Variants in ITGBL1 observed in about 807,000 individuals in gnomAD.
ITGBL1 encodes the protein integrin beta-like protein 1.
A neutral mutation model predicts 68.5 loss-of-function variants in ITGBL1; 51 were observed. The observed-to-expected ratio is 0.74, with a 90% CI of 0.59 to 0.94. ITGBL1 has a LOEUF of 0.94. Ranked by LOEUF, ITGBL1 falls within the 40% of genes least tolerant of loss-of-function variation. The probability of loss-of-function intolerance (pLI) is 0.00; values close to 1 mark genes in which losing one functional copy is unlikely to be tolerated. For synonymous variants in ITGBL1, 209 were observed against 227.3 expected (o/e 0.92, Z 0.72); for missense variants, 649 against 647.4 (o/e 1.00, Z -0.03).
At chr13:101,663,143 A>C (rs1051887781) in intron 7 of ITGBL1, among the ~76,000 whole-genome samples, 4 of 152,208 alleles carry the variant, frequency 2.6e-5, no homozygotes, top group African/African-American at 9.6e-5. Flanking sequence ...ATAGATGTTG[A>C]ATAAATGAGT....
intron 8 of ITGBL1, among the ~76,000 whole-genome samples, chr13:101,704,806 AC>A (rs1414299307): frequency 6.6e-6 from 1 of 152,198 alleles, no homozygotes; most frequent in Non-Finnish European, 1.5e-5. Flanking sequence ...CATGCATGCT[AC>A]TTTTAAACTT....
chr13:101,492,421 C>A (rs1255337482), intron 2 of ITGBL1, among the ~76,000 whole-genome samples: 1 of 152,160 alleles, frequency 6.6e-6, no homozygotes, highest in African/African-American at 2.4e-5. Context: ...GTCCAGAAAT[C>A]CATTTGGCTC....
At chr13:101,596,326 A>C (rs1462998122) in intron 6 of ITGBL1, among the ~76,000 whole-genome samples, 1 of 152,210 alleles carries the variant, frequency 6.6e-6, no homozygotes, top group Non-Finnish European at 1.5e-5. Context: ...TTTCAAAGTT[A>C]TAAGATGAAT....
intron 2 of ITGBL1, among the ~76,000 whole-genome samples, chr13:101,533,048 A>T (rs1245948269): frequency 2.0e-5 from 3 of 152,222 alleles, no homozygotes; most frequent in Non-Finnish European, 4.4e-5. Context: ...TACTTCTAGG[A>T]TTACAAGAGT....
At chr13:101,710,851 A>G (rs2034431122) in intron 9 of ITGBL1, 1 of 152,214 alleles carries the variant, frequency 6.6e-6, no homozygotes, top group South Asian at 2.1e-4. Flanking sequence ...TATAGCCAAG[A>G]CAATAAATCA....
chr13:101,552,945 C>T (rs2049944805), intron 2 of ITGBL1, among the ~76,000 whole-genome samples: 1 of 152,144 alleles, frequency 6.6e-6, no homozygotes, highest in African/African-American at 2.4e-5. Flanking sequence ...TCTCCTCAGG[C>T]ATAATTTGTC....
At chr13:101,604,860 A>G (rs181229736) in intron 7 of ITGBL1, among the ~76,000 whole-genome samples, 2 of 17,474 alleles carry the variant, frequency 1.1e-4, no homozygotes, top group Non-Finnish European at 2.4e-4. Flanking sequence ...ATATATATAT[A>G]TATATATATA....
chr13:101,706,633 A>G (rs2034268879), intron 8 of ITGBL1, 123 bp from the exon 9 acceptor site: 7 of 947,368 alleles, frequency 7.4e-6, no homozygotes, highest in Non-Finnish European at 1.1e-5. Context: ...TTGACTATGC[A>G]TAAAGAAGAA....
intron 7 of ITGBL1, among the ~76,000 whole-genome samples, chr13:101,683,367 A>T (rs1460287310): frequency 6.6e-6 from 1 of 152,000 alleles, no homozygotes; most frequent in East Asian, 1.9e-4. Flanking sequence ...CGCACTCTAC[A>T]TTATGTTCTT....
At chr13:101,614,852 T>C (rs781006508) in intron 7 of ITGBL1, among the ~76,000 whole-genome samples, 1 of 152,122 alleles carries the variant, frequency 6.6e-6, no homozygotes. Flanking sequence ...ATTTGCATAG[T>C]GCTTCTTTTG....
intron 2 of ITGBL1, among the ~76,000 whole-genome samples, chr13:101,530,995 T>G (rs1001653290): frequency 6.6e-6 from 1 of 152,180 alleles, no homozygotes; most frequent in South Asian, 2.1e-4. Context: ...TTTCTTGTCT[T>G]TCTTTCTTTG....
At position 101,652,101 on chromosome 13, in the gene ITGBL1, T is replaced by G. The variant is rs558727060; in HGVS notation, c.1016-40484T>G. 1.0e-3 allele frequency among the ~76,000 whole-genome samples: 155 copies of G among 152,194 alleles called. 1 individual carries two copies. The highest frequency in any genetic ancestry group is 3.6e-3 in the African/African-American group (149 of 41,528). ...TTTTTAAAAAAAATTATTTATTTAT[T>G]TATTTATTTTTAGAGACAGGATCTC... is the stretch of plus-strand genomic sequence containing the variant. On this transcript the variant is annotated intron_variant, in intron 7 of 10. Coordinates refer to ENST00000376180, the MANE Select transcript of ITGBL1 (RefSeq NM_004791.3).
intron 6 of ITGBL1, among the ~76,000 whole-genome samples, chr13:101,597,204 G>C (rs1454430572): frequency 1.3e-5 from 2 of 152,108 alleles, no homozygotes; most frequent in East Asian, 3.9e-4. Flanking sequence ...ATCTCTCTCA[G>C]TTTTGCTGTG....
chr13:101,682,084 CAG>C (rs2033657007), intron 7 of ITGBL1, among the ~76,000 whole-genome samples: 2 of 152,102 alleles, frequency 1.3e-5, no homozygotes, highest in Non-Finnish European at 2.9e-5. Context: ...AAAAATAAGA[CAG>C]ACAATAGTTA....
chr13:101,689,371 A>G (rs539248867), intron 7 of ITGBL1, among the ~76,000 whole-genome samples: 3 of 152,242 alleles, frequency 2.0e-5, no homozygotes, highest in African/African-American at 4.8e-5. Context: ...TGATAGGTAT[A>G]TGATAATGAC....
intron 2 of ITGBL1, among the ~76,000 whole-genome samples, chr13:101,514,762 A>C (rs2049168858): frequency 6.6e-6 from 1 of 152,052 alleles, no homozygotes; most frequent in African/African-American, 2.4e-5. Context: ...TACTGCCTTA[A>C]AAACTGGAAT....
intron 8 of ITGBL1, among the ~76,000 whole-genome samples, chr13:101,695,328 A>T (rs1413132009): frequency 1.3e-5 from 2 of 152,134 alleles, no homozygotes; most frequent in African/African-American, 4.8e-5. Context: ...GAGAAAAGAG[A>T]GTGTGTGACG....
At chr13:101,598,485 G>A (rs1242865883) in intron 7 of ITGBL1, among the ~76,000 whole-genome samples, 186 bp downstream of exon 7, 2 of 151,634 alleles carry the variant, frequency 1.3e-5, no homozygotes, top group African/African-American at 2.4e-5. Flanking sequence ...TGCGCAATGT[G>A]CAGGTTTGTT....
At chr13:101,517,457 A>G (rs1046914666) in intron 2 of ITGBL1, among the ~76,000 whole-genome samples, 10 of 152,332 alleles carry the variant, frequency 6.6e-5, no homozygotes, top group Non-Finnish European at 8.8e-5. Context: ...CTCAGGTTGC[A>G]TCACTGACCA....
Sources: allele counts gnomAD v4.1 joint callset (sites outside exome capture counted in the v4.1 genomes callset), GRCh38; gene constraint gnomAD v4.1.1; transcripts MANE v1.5; gene names NCBI Gene and HGNC (gene_info 2026-07-23, HGNC 2026-07-21).